Variants in SAMMSON observed in about 807,000 individuals in gnomAD.
The protein encoded by SAMMSON is survival associated mitochondrial melanoma specific oncogenic non-coding RNA, also known as long intergenic non-protein coding RNA 1212.
chr3:70,432,733 T>G (rs954006770), intron 2 of SAMMSON, among the ~76,000 whole-genome samples: 1 of 152,042 alleles, frequency 6.6e-6, no homozygotes, highest in Non-Finnish European at 1.5e-5. Context: ...TTGACAAATG[T>G]ACAATGACAT....
At chr3:70,103,321 A>C (rs1451209890) in intron 4 of SAMMSON, among the ~76,000 whole-genome samples, 1 of 152,166 alleles carries the variant, frequency 6.6e-6, no homozygotes, top group East Asian at 1.9e-4. Context: ...GAATGTGGAG[A>C]CCAGATTGAG....
chr3:70,095,955 TA>T (rs2067321498), intron 4 of SAMMSON: 1 of 152,210 alleles, frequency 6.6e-6, no homozygotes, highest in African/African-American at 2.4e-5. Context: ...AACACATGTT[TA>T]TTTTTCCACA....
chr3:70,389,440 G>C (rs548627265), intron 9 of SAMMSON: 3 of 152,004 alleles, frequency 2.0e-5, no homozygotes, highest in Non-Finnish European at 4.4e-5. Context: ...CTCTAAATGG[G>C]ACATAGTTCT....
chr3:70,130,974 C>G (rs1486942037), intron 4 of SAMMSON, among the ~76,000 whole-genome samples: 1 of 152,066 alleles, frequency 6.6e-6, no homozygotes. Context: ...GTTTATTATT[C>G]AACTATATTA....
intron 7 of SAMMSON, among the ~76,000 whole-genome samples, chr3:70,345,455 C>T (rs767630565): frequency 1.1e-4 from 17 of 152,096 alleles, no homozygotes; most frequent in Non-Finnish European, 2.4e-4. Context: ...TAGTTTTGTC[C>T]CATTTTGCAT....
At chr3:70,362,670 G>A (rs1281472618) in intron 9 of SAMMSON, among the ~76,000 whole-genome samples, 1 of 151,944 alleles carries the variant, frequency 6.6e-6, no homozygotes, top group East Asian at 1.9e-4. Context: ...ATGTGTGTAT[G>A]TATGTATACA....
chr3:70,267,488 C>T (rs1025066486), intron 6 of SAMMSON, among the ~76,000 whole-genome samples: 1 of 150,206 alleles, frequency 6.7e-6, no homozygotes, highest in African/African-American at 2.4e-5. Flanking sequence ...CTGCAAGCTC[C>T]GCCTCCTGGG....
intron 4 of SAMMSON, among the ~76,000 whole-genome samples, chr3:70,227,481 T>C (rs1050979609): frequency 6.6e-6 from 1 of 152,166 alleles, no homozygotes; most frequent in Non-Finnish European, 1.5e-5. Flanking sequence ...ATGGAGGTCA[T>C]TGGAGACTTT....
chr3:70,338,109 G>C (rs975923906), intron 7 of SAMMSON, among the ~76,000 whole-genome samples: 1 of 151,716 alleles, frequency 6.6e-6, no homozygotes, highest in African/African-American at 2.4e-5. Context: ...GTGTTTTAAT[G>C]AGGGAAATTT....
At chr3:70,041,618 A>G (rs1399225359) in intron 3 of SAMMSON, among the ~76,000 whole-genome samples, 1 of 151,944 alleles carries the variant, frequency 6.6e-6, no homozygotes, top group African/African-American at 2.4e-5. Context: ...ACAGATTTAA[A>G]AAATTTGAAA....
At chr3:70,339,877 C>T (rs1247991068) in intron 7 of SAMMSON, among the ~76,000 whole-genome samples, 1 of 152,134 alleles carries the variant, frequency 6.6e-6, no homozygotes, top group Non-Finnish European at 1.5e-5. Flanking sequence ...CTGGAAATAC[C>T]ATTTGACCCA....
chr3:70,024,452 C>G (rs781456956), intron 3 of SAMMSON, among the ~76,000 whole-genome samples: 11 of 152,116 alleles, frequency 7.2e-5, no homozygotes, highest in Non-Finnish European at 1.6e-4. Context: ...TATTTGTCAA[C>G]AACTCATCAT....
chr3:70,236,470 C>A (rs1380266248), intron 4 of SAMMSON, among the ~76,000 whole-genome samples: 1 of 152,174 alleles, frequency 6.6e-6, no homozygotes, highest in African/African-American at 2.4e-5. Flanking sequence ...GCAACATGTT[C>A]TTCTTACTAA....
At chr3:70,238,435 C>T (rs1318242577) in intron 4 of SAMMSON, among the ~76,000 whole-genome samples, 1 of 151,710 alleles carries the variant, frequency 6.6e-6, no homozygotes, top group Non-Finnish European at 1.5e-5. Flanking sequence ...TGTAGAAATC[C>T]CATCTCTACA....
intron 7 of SAMMSON, among the ~76,000 whole-genome samples, chr3:70,347,925 C>T (rs987241506): frequency 1.3e-5 from 2 of 152,146 alleles, no homozygotes; most frequent in Admixed American, 1.3e-4. Context: ...TGCCTATAAT[C>T]CCAGCTACTT....
At chr3:70,350,681 T>C (rs1443704562) in intron 7 of SAMMSON, among the ~76,000 whole-genome samples, 2 of 152,198 alleles carry the variant, frequency 1.3e-5, no homozygotes, top group African/African-American at 2.4e-5. Context: ...ATTAAACTTA[T>C]GTTCTATAGG....
intron 4 of SAMMSON, among the ~76,000 whole-genome samples, chr3:70,081,054 A>G (rs2067266032): frequency 6.6e-6 from 1 of 152,142 alleles, no homozygotes; most frequent in Non-Finnish European, 1.5e-5. Context: ...TTGTTCATTG[A>G]TACTGTCACC....
intron 7 of SAMMSON, among the ~76,000 whole-genome samples, chr3:70,347,404 C>T (rs970361653): frequency 3.3e-5 from 5 of 152,080 alleles, no homozygotes; most frequent in African/African-American, 9.7e-5. Context: ...TTAGAGTCTT[C>T]GTTCAAGCCA....
intron 6 of SAMMSON, among the ~76,000 whole-genome samples, chr3:70,261,328 A>T (rs1264633677): frequency 1.3e-5 from 2 of 152,130 alleles, no homozygotes; most frequent in Admixed American, 1.3e-4. Context: ...TTGTCCCTTC[A>T]TCATAATCTA....
Sources: allele counts gnomAD v4.1 joint callset (sites outside exome capture counted in the v4.1 genomes callset), GRCh38; gene constraint gnomAD v4.1.1; transcripts MANE v1.5; gene names NCBI Gene and HGNC (gene_info 2026-07-23, HGNC 2026-07-21).